Variants in TRAF3IP2 observed in about 807,000 individuals in gnomAD.
The protein encoded by TRAF3IP2 is E3 ubiquitin ligase TRAF3IP2.
TRAF3IP2 carries 35 observed loss-of-function variants against 57.9 expected under a neutral mutation model. That is an observed-to-expected ratio of 0.60 (90% CI 0.46 to 0.80). The LOEUF (loss-of-function observed/expected upper bound fraction) is 0.80, where lower values mean the gene tolerates loss of function less well. TRAF3IP2 is among the 30% of genes least tolerant of loss of function. TRAF3IP2 has a pLI of 0.00. For missense variants in TRAF3IP2, 556 were observed against 706.4 expected (o/e 0.79, Z 2.41); for synonymous variants, 251 against 268.9 (o/e 0.93, Z 0.65).
At chr6:111,565,838 T>C (rs1231989470) in intron 7 of TRAF3IP2, among the ~76,000 whole-genome samples, 2 of 152,206 alleles carry the variant, frequency 1.3e-5, no homozygotes, top group Non-Finnish European at 2.9e-5. Context: ...TGTTTGAGCA[T>C]CTGATATGCA....
At chr6:111,593,094 A>G (rs1562434459) in intron 1 of TRAF3IP2, among the ~76,000 whole-genome samples, 1 of 152,262 alleles carries the variant, frequency 6.6e-6, no homozygotes, top group Non-Finnish European at 1.5e-5. Context: ...CTGCAGGGGC[A>G]GGAAGAACGC....
intron 1 of TRAF3IP2, chr6:111,600,105 A>C (rs914810694): frequency 1.3e-5 from 2 of 152,224 alleles, no homozygotes; most frequent in Non-Finnish European, 2.9e-5. Flanking sequence ...TAAAGAGTAG[A>C]TGTAAATAAA....
intron 4 of TRAF3IP2, among the ~76,000 whole-genome samples, chr6:111,575,321 G>C (rs112963658): frequency 6.6e-6 from 1 of 152,072 alleles, no homozygotes; most frequent in South Asian, 2.1e-4. Flanking sequence ...GGGTGCGGTG[G>C]CTCACATCTG....
intron 2 of TRAF3IP2, among the ~76,000 whole-genome samples, chr6:111,590,267 G>C (rs536612722): frequency 3.9e-5 from 6 of 152,316 alleles, no homozygotes; most frequent in African/African-American, 1.4e-4. Flanking sequence ...TGCATTTGCA[G>C]ATGCATAAAA....
rs1334740558 is a variant in TRAF3IP2, at chr6:111,558,116, CAA to C, written c.*1287_*1288del. The stretch of plus-strand genomic sequence containing the variant: ...TGAAAATGAAAACTCAGTCACTCCT[CAA>C]AAGAGTATTTAGAATTTAGGTCCTA... On this transcript the variant is annotated 3_prime_UTR_variant, in exon 9 of 9. Transcript: ENST00000368761. The C allele has an allele frequency of 3.3e-5, 5 of 152,144 alleles. No homozygotes were observed. Among genetic ancestry groups the C allele is most frequent in the East Asian group, 3.9e-4 (2 of 5,192 alleles). The allele number at this position is 152,144 out of a possible 1,614,324, so 9.4% of individuals were successfully genotyped here.
At chr6:111,595,597 A>C (rs1346084806) in intron 1 of TRAF3IP2, among the ~76,000 whole-genome samples, 1 of 152,142 alleles carries the variant, frequency 6.6e-6, no homozygotes, top group Non-Finnish European at 1.5e-5. Flanking sequence ...TGGGAGGCCA[A>C]GGCGGGCAGA....
chr6:111,597,824 C>CT (rs772398577), intron 1 of TRAF3IP2: 25 of 451,302 alleles, frequency 5.5e-5, no homozygotes, highest in African/African-American at 1.2e-4. Context: ...TCTGTTTTTC[C>CT]TTTTTTTTTC....
chr6:111,580,754 T>A (rs1021357160), intron 2 of TRAF3IP2, among the ~76,000 whole-genome samples: 3 of 152,158 alleles, frequency 2.0e-5, no homozygotes, highest in African/African-American at 7.2e-5. Context: ...TTCCTTCATG[T>A]CCCGAACCCA....
chr6:111,563,365 A>G (rs750799833), intron 7 of TRAF3IP2, among the ~76,000 whole-genome samples: 2 of 152,184 alleles, frequency 1.3e-5, no homozygotes, highest in African/African-American at 2.4e-5. Flanking sequence ...CAGTGACTTC[A>G]CACTGATAGC....
At chr6:111,582,642 T>C (rs1335123353) in intron 2 of TRAF3IP2, among the ~76,000 whole-genome samples, 1 of 152,036 alleles carries the variant, frequency 6.6e-6, no homozygotes, top group Non-Finnish European at 1.5e-5. Flanking sequence ...TCCCTCAGTT[T>C]AAAAAATAGC....
chr6:111,575,743 T>TG lies in TRAF3IP2; in HGVS notation c.1100dup (p.Gln368ThrfsTer13). The TG allele has an allele frequency of 6.2e-7, 1 of 1,612,326 alleles. No individual in the cohort carries two copies. ...CTGGGGACGGAGGCTGGGGAACCTG[T>TG]GGTCTCAGCTCTGCAGGGCACTCCA... On this transcript the variant is annotated frameshift_variant, in exon 4 of 9. Transcript: ENST00000368761. LOFTEE classifies it high-confidence loss of function.
intron 2 of TRAF3IP2, among the ~76,000 whole-genome samples, chr6:111,581,051 G>A (rs1424906620): frequency 6.6e-6 from 1 of 152,242 alleles, no homozygotes; most frequent in Non-Finnish European, 1.5e-5. Context: ...GCCAGAGCTG[G>A]CAGTGACTTA....
chr6:111,578,492 T>A (rs906588832), intron 3 of TRAF3IP2, among the ~76,000 whole-genome samples: 1 of 152,082 alleles, frequency 6.6e-6, no homozygotes, highest in Non-Finnish European at 1.5e-5. Flanking sequence ...AATAAAAAAA[T>A]TAGCTGGGTG....
chr6:111,565,377 T>C (rs1795603116), intron 7 of TRAF3IP2: 1 of 152,156 alleles, frequency 6.6e-6, no homozygotes, highest in Non-Finnish European at 1.5e-5. Flanking sequence ...TTCCCCCTCA[T>C]GAAGTGTTAG....
chr6:111,579,502 G>GT (rs1796093879), intron 3 of TRAF3IP2, among the ~76,000 whole-genome samples: 1 of 152,182 alleles, frequency 6.6e-6, no homozygotes, highest in African/African-American at 2.4e-5. Context: ...GAAGGCCAAG[G>GT]TGGGTGGATC....
chr6:111,566,393 G>A, intron 7 of TRAF3IP2, 51 bp downstream of exon 7: 1 of 1,421,160 alleles, frequency 7.0e-7, no homozygotes, highest in Non-Finnish European at 9.9e-7. Context: ...CCCTGGACAA[G>A]GTATCCATCC....
rs572138442 is a variant in TRAF3IP2, at chr6:111,571,439, T to G, written c.1290+1456A>C. On this transcript the variant is annotated intron_variant, in intron 5 of 8. Coordinates refer to ENST00000368761, the MANE Select transcript of TRAF3IP2 (RefSeq NM_147686.4). ...GTTGCCTAGGCTCGTCCCGAACTCC[T>G]GAGCTCAGGCAATTTGTCTGCCTTG... 2.6e-3 allele frequency among the ~76,000 whole-genome samples: 390 copies of G among 152,160 alleles called. 1 individual carries two copies. Among genetic ancestry groups the G allele is most frequent in the Non-Finnish European group, 3.6e-3 (242 of 67,974 alleles).
At chr6:111,577,138 TTTTTC>T (rs1400667337) in intron 3 of TRAF3IP2, 1 of 114,630 alleles carries the variant, frequency 8.7e-6, no homozygotes, top group Non-Finnish European at 2.0e-5. Flanking sequence ...ATTCCATATT[TTTTTC>T]TTTTTCTTTT....
intron 1 of TRAF3IP2, among the ~76,000 whole-genome samples, chr6:111,593,708 T>G: frequency 6.6e-6 from 1 of 152,212 alleles, no homozygotes; most frequent in Non-Finnish European, 1.5e-5. Context: ...CTTTTCAGGC[T>G]GTGTATGTCC....
Sources: allele counts gnomAD v4.1 joint callset (sites outside exome capture counted in the v4.1 genomes callset), GRCh38; gene constraint gnomAD v4.1.1; transcripts MANE v1.5; gene names NCBI Gene and HGNC (gene_info 2026-07-23, HGNC 2026-07-21).